The following GREB1L variants were observed in gnomAD, a reference collection of about 807,000 sequenced individuals.
GREB1L encodes GREB1-like protein.
In GREB1L, 17 loss-of-function variants were observed where a neutral mutation model predicts 200.8. That is an observed-to-expected ratio of 0.08 (90% confidence interval 0.06 to 0.13). GREB1L has a LOEUF of 0.13. Ranked by LOEUF, GREB1L falls within the 10% of genes least tolerant of loss-of-function variation. The probability of loss-of-function intolerance (pLI) is 1.00; values close to 1 mark genes in which losing one functional copy is unlikely to be tolerated. For missense variants in GREB1L, 1,657 were observed against 2,367.7 expected (o/e 0.70, Z 6.23); for synonymous variants, 789 against 893.0 (o/e 0.88, Z 2.08).
At chr18:21,374,504 A>C (rs1386998848) in intron 2 of GREB1L, among the ~76,000 whole-genome samples, 1 of 152,220 alleles carries the variant, frequency 6.6e-6, no homozygotes, top group Non-Finnish European at 1.5e-5. Context: ...CAGATTTTTC[A>C]GTAGACAAAG....
intron 1 of GREB1L, among the ~76,000 whole-genome samples, chr18:21,314,119 C>T (rs957772925): frequency 3.3e-5 from 5 of 152,198 alleles, no homozygotes; most frequent in African/African-American, 1.2e-4. Flanking sequence ...TTTGTCTTGC[C>T]TGTTCACCTG....
At chr18:21,257,877 T>C (rs1255628938) in intron 1 of GREB1L, among the ~76,000 whole-genome samples, 1 of 152,216 alleles carries the variant, frequency 6.6e-6, no homozygotes, top group African/African-American at 2.4e-5. Context: ...TCATTTCTAA[T>C]CCTCACAACA....
At chr18:21,247,785 C>T (rs1277775374) in intron 1 of GREB1L, among the ~76,000 whole-genome samples, 7 of 152,140 alleles carry the variant, frequency 4.6e-5, no homozygotes, top group Admixed American at 3.9e-4. Context: ...TGTCACTACC[C>T]TTCTAGGAGT....
At chr18:21,487,857 A>T (rs2036184420) in intron 18 of GREB1L, among the ~76,000 whole-genome samples, 1 of 150,894 alleles carries the variant, frequency 6.6e-6, no homozygotes, top group Non-Finnish European at 1.5e-5. Context: ...AAAAAAAAAA[A>T]AAAATTAGCC....
At chr18:21,278,367 C>A (rs1172570133) in intron 1 of GREB1L, among the ~76,000 whole-genome samples, 1 of 129,084 alleles carries the variant, frequency 7.7e-6, no homozygotes, top group Non-Finnish European at 1.6e-5. Flanking sequence ...GCAACAAGAG[C>A]AAGACTCCAT....
intron 1 of GREB1L, among the ~76,000 whole-genome samples, chr18:21,351,553 A>G (rs1489579518): frequency 1.3e-5 from 2 of 152,022 alleles, no homozygotes; most frequent in East Asian, 3.9e-4. Flanking sequence ...AGCTTGGGGA[A>G]CAGAGTGAGA....
chr18:21,281,103 C>T (rs1282003446), intron 1 of GREB1L, among the ~76,000 whole-genome samples: 1 of 152,200 alleles, frequency 6.6e-6, no homozygotes, highest in Non-Finnish European at 1.5e-5. Flanking sequence ...GGTATAGTTG[C>T]CTGCCTGGAA....
intron 1 of GREB1L, among the ~76,000 whole-genome samples, chr18:21,347,933 A>G (rs1333217837): frequency 1.3e-5 from 1 of 77,354 alleles, no homozygotes; most frequent in Non-Finnish European, 2.3e-5. Flanking sequence ...CACTCGGCTA[A>G]TTTTTTTTTT....
At chr18:21,452,439 G>T in intron 14 of GREB1L, 1 of 498,242 alleles carries the variant, frequency 2.0e-6, no homozygotes, top group South Asian at 3.5e-5. Context: ...GAAAATCAAA[G>T]TCAAAGACTT....
intron 4 of GREB1L, among the ~76,000 whole-genome samples, chr18:21,388,272 G>C (rs2040626824): frequency 6.6e-6 from 1 of 151,938 alleles, no homozygotes; most frequent in African/African-American, 2.4e-5. Context: ...TATTTTTGAA[G>C]AACAGCTTTA....
At chr18:21,332,362 A>G (rs2039118174) in intron 1 of GREB1L, among the ~76,000 whole-genome samples, 1 of 152,180 alleles carries the variant, frequency 6.6e-6, no homozygotes, top group East Asian at 1.9e-4. Flanking sequence ...TCTCCCTAGA[A>G]TGTATTTATC....
chr18:21,485,406 A>G (rs1454228449), intron 17 of GREB1L: 3 of 435,850 alleles, frequency 6.9e-6, no homozygotes, highest in African/African-American at 2.0e-5. Context: ...TCCACTAATC[A>G]CATATTCAGT....
intron 17 of GREB1L, among the ~76,000 whole-genome samples, chr18:21,478,657 G>A (rs1405854610): frequency 6.6e-6 from 1 of 152,162 alleles, no homozygotes; most frequent in Non-Finnish European, 1.5e-5. Flanking sequence ...AACTCAGTGT[G>A]TTCTATCACT....
At chr18:21,395,346 A>G (rs1043325868) in intron 4 of GREB1L, 39 bp from the exon 5 acceptor site, 9 of 1,453,486 alleles carry the variant, frequency 6.2e-6, no homozygotes, top group African/African-American at 5.6e-5. Flanking sequence ...AATCTCACTA[A>G]ACATTTCACT....
At chr18:21,347,009 G>A (rs755843400) in intron 1 of GREB1L, among the ~76,000 whole-genome samples, 1 of 152,054 alleles carries the variant, frequency 6.6e-6, no homozygotes, top group Non-Finnish European at 1.5e-5. Context: ...AAGGCTAATC[G>A]CATGCCATGG....
At chr18:21,278,727 G>A (rs2038217918) in intron 1 of GREB1L, among the ~76,000 whole-genome samples, 1 of 152,074 alleles carries the variant, frequency 6.6e-6, no homozygotes, top group Non-Finnish European at 1.5e-5. Context: ...TCAGAGTCCA[G>A]ATTTGAATAA....
In GREB1L at chr18:21,523,143, T is replaced by G. The variant is rs1170848008; in HGVS notation, c.*322T>G. On this transcript the variant is annotated 3_prime_UTR_variant, in exon 33 of 33. Transcript: ENST00000424526. ...ATGGAGTTTGCATTATTTTTTTCTA[T>G]TACTATGTTAGGGGGAAACTGACTG... The G allele has an allele frequency of 5.5e-6, 1 of 181,178 alleles. No individual in the cohort carries two copies. The highest frequency in any genetic ancestry group is 2.4e-5 in the African/African-American group (1 of 42,428). The allele number at this position is 181,178 out of a possible 1,614,324, so 11.2% of individuals were successfully genotyped here. A position where few individuals can be genotyped will look rare whatever the true frequency, so the allele number is the denominator to read the frequency against.
chr18:21,363,867 A>G (rs1195188954), intron 1 of GREB1L: 1 of 152,208 alleles, frequency 6.6e-6, no homozygotes, highest in African/African-American at 2.4e-5. Context: ...CATGGTAAAC[A>G]ATTCCATGCT....
intron 1 of GREB1L, among the ~76,000 whole-genome samples, chr18:21,333,627 A>G (rs1294144206): frequency 6.6e-6 from 1 of 151,520 alleles, no homozygotes; most frequent in Non-Finnish European, 1.5e-5. Context: ...GTGAGCCGAA[A>G]TCATGCCATT....
Sources: gnomAD v4.1 joint callset for allele counts (sites outside exome capture counted in the v4.1 genomes callset) on GRCh38, gnomAD v4.1.1 for gene constraint, MANE v1.5 for transcripts, NCBI Gene and HGNC (gene_info 2026-07-23, HGNC 2026-07-21) for gene names.